The following CNTNAP2 variants were observed in gnomAD, a reference collection of about 807,000 sequenced individuals.
CNTNAP2 encodes the protein contactin-associated protein-like 2.
In CNTNAP2, 98 loss-of-function variants were observed where a neutral mutation model predicts 155.2. The observed-to-expected ratio is 0.63, with a 90% CI of 0.54 to 0.75. CNTNAP2 has a LOEUF of 0.75. Among genes scored for constraint, CNTNAP2 ranks in the 30% least tolerant of loss-of-function variants. The pLI, the probability that CNTNAP2 is intolerant of heterozygous loss-of-function variation, is 0.00. For missense variants in CNTNAP2, 1,727 were observed against 1,688.1 expected (o/e 1.02, Z -0.40); for synonymous variants, 651 against 631.2 (o/e 1.03, Z -0.47).
intron 1 of CNTNAP2, among the ~76,000 whole-genome samples, chr7:146,267,198 A>C (rs1460119502): frequency 1.3e-5 from 2 of 152,162 alleles, no homozygotes; most frequent in African/African-American, 2.4e-5. Flanking sequence ...TTATGTGCTC[A>C]TCAAATGGAC....
chr7:147,688,802 T>G (rs1176587147), intron 13 of CNTNAP2, among the ~76,000 whole-genome samples: 2 of 152,154 alleles, frequency 1.3e-5, no homozygotes, highest in African/African-American at 2.4e-5. Flanking sequence ...AACAGCTGAA[T>G]GTTATAACTG....
rs1805453872 is a variant in CNTNAP2 at position 148,158,701 on chromosome 7, C to G, written c.2773+10992C>G. Among the ~76,000 whole-genome samples, 3 of 152,174 alleles carry G rather than the reference C, an allele frequency of 2.0e-5. No homozygotes were observed. The South Asian group carries it at 6.2e-4, about 32-fold the overall frequency. ...GTTCACCTTCTCATGTGTCACAAGACCAAATGCTTCAGGAACTCTGGTCTT... is the reference window on the plus strand; with the variant it reads ...GTTCACCTTCTCATGTGTCACAAGAGCAAATGCTTCAGGAACTCTGGTCTT... On this transcript the variant is annotated intron_variant, in intron 17 of 23. Transcript: ENST00000361727.
intron 3 of CNTNAP2, among the ~76,000 whole-genome samples, chr7:146,922,903 C>G (rs756329740): frequency 2.6e-5 from 4 of 151,936 alleles, no homozygotes; most frequent in Non-Finnish European, 4.4e-5. Context: ...GAAAAAAAGA[C>G]GAGTATGTAA....
chr7:146,150,043 C>A (rs1221889211), intron 1 of CNTNAP2, among the ~76,000 whole-genome samples: 1 of 151,954 alleles, frequency 6.6e-6, no homozygotes, highest in Admixed American at 6.6e-5. Context: ...AGCAGTTGTA[C>A]CCAGCATATA....
intron 1 of CNTNAP2, among the ~76,000 whole-genome samples, chr7:146,768,143 G>A (rs1169025265): frequency 6.6e-6 from 1 of 151,810 alleles, no homozygotes; most frequent in Non-Finnish European, 1.5e-5. Context: ...ACAAAATTTG[G>A]CTTGCAGACA....
At chr7:146,239,675 TCTTATA>T (rs1189323174) in intron 1 of CNTNAP2, among the ~76,000 whole-genome samples, 128 of 152,318 alleles carry the variant, frequency 8.4e-4, no homozygotes, top group African/African-American at 2.9e-3. Context: ...AATAATAATG[TCTTATA>T]CTTATGTATA....
chr7:146,171,941 T>C (rs1798397397), intron 1 of CNTNAP2, among the ~76,000 whole-genome samples: 1 of 151,780 alleles, frequency 6.6e-6, no homozygotes, highest in South Asian at 2.1e-4. Flanking sequence ...ATTATATTAT[T>C]GAAATTTAAA....
chr7:147,562,043 G>C, intron 11 of CNTNAP2, 95 bp from the exon 12 acceptor site: 1 of 1,497,254 alleles, frequency 6.7e-7, no homozygotes, highest in Non-Finnish European at 9.3e-7. Flanking sequence ...CTCCTAACTA[G>C]TGGTTTGCTA....
chr7:146,616,571 C>G (rs1356438177), intron 1 of CNTNAP2, among the ~76,000 whole-genome samples: 1 of 152,028 alleles, frequency 6.6e-6, no homozygotes, highest in Non-Finnish European at 1.5e-5. Flanking sequence ...TACTCATTAT[C>G]CAATAAACCT....
chr7:146,307,130 G>A (rs955041415), intron 1 of CNTNAP2, among the ~76,000 whole-genome samples: 1 of 152,042 alleles, frequency 6.6e-6, no homozygotes, highest in Non-Finnish European at 1.5e-5. Flanking sequence ...AACTTCAGCA[G>A]TCTCAGGATA....
chr7:146,446,408 G>C (rs1796402959), intron 1 of CNTNAP2, among the ~76,000 whole-genome samples: 1 of 149,034 alleles, frequency 6.7e-6, no homozygotes, highest in South Asian at 2.1e-4. Flanking sequence ...CCAAGGCTGA[G>C]GGTGTTGCAG....
At chr7:146,372,394 T>C (rs1209930668) in intron 1 of CNTNAP2, among the ~76,000 whole-genome samples, 1 of 149,314 alleles carries the variant, frequency 6.7e-6, no homozygotes, top group Non-Finnish European at 1.5e-5. Context: ...CAAAAAGAGA[T>C]AGACAGATAA....
At chr7:146,584,683 G>T (rs1798660206) in intron 1 of CNTNAP2, among the ~76,000 whole-genome samples, 1 of 152,026 alleles carries the variant, frequency 6.6e-6, no homozygotes, top group African/African-American at 2.4e-5. Flanking sequence ...CCAGAAGCCG[G>T]CCCTGCCCCT....
intron 9 of CNTNAP2, among the ~76,000 whole-genome samples, chr7:147,395,040 T>A (rs1340650934): frequency 6.6e-6 from 1 of 151,812 alleles, no homozygotes; most frequent in Admixed American, 6.6e-5. Context: ...CTTCTAATGT[T>A]CCCTTAGATT....
intron 16 of CNTNAP2, among the ~76,000 whole-genome samples, chr7:148,146,630 A>G (rs1805184306): frequency 6.6e-6 from 1 of 152,216 alleles, no homozygotes; most frequent in Non-Finnish European, 1.5e-5. Flanking sequence ...ATGGGGAATA[A>G]CCAAGGTTTG....
At chr7:147,914,675 C>T in intron 14 of CNTNAP2, among the ~76,000 whole-genome samples, 1 of 152,158 alleles carries the variant, frequency 6.6e-6, no homozygotes, top group East Asian at 1.9e-4. Flanking sequence ...GATCCTCCCA[C>T]TTCAGCTGGG....
rs941351933 is a variant in CNTNAP2 at position 146,227,456 on chromosome 7, GA to G, written c.97+110490del. 5.6e-3 allele frequency among the ~76,000 whole-genome samples: 798 copies of G among 141,372 alleles called. 7 individuals are homozygous for G. Among genetic ancestry groups the G allele is most frequent in the African/African-American group, 0.014 (548 of 38,242 alleles). 92.7% of individuals were successfully genotyped at this position (141,372 alleles called of 152,430 possible). ...AAAAAAAAAAAAAAAAAAAGAAAAA[GA>G]AAAAAATCTTTAAGGAGATATGCAT... On this transcript the variant is annotated intron_variant, in intron 1 of 23. Coordinates refer to ENST00000361727, the MANE Select transcript of CNTNAP2 (RefSeq NM_014141.6).
At chr7:147,154,529 C>T (rs1450744869) in intron 8 of CNTNAP2, among the ~76,000 whole-genome samples, 1 of 152,156 alleles carries the variant, frequency 6.6e-6, no homozygotes, top group Non-Finnish European at 1.5e-5. Flanking sequence ...ATAATACTTG[C>T]TGACTTTTAA....
chr7:148,254,047 C>T lies in CNTNAP2; in HGVS notation c.3382-12986C>T, dbSNP rs188670989. Among the ~76,000 whole-genome samples the T allele has an allele frequency of 3.0e-3, 449 of 152,194 alleles. 3 individuals carry two copies. Among genetic ancestry groups the T allele is most frequent in the African/African-American group, 0.01 (421 of 41,544 alleles). ...ACTTGTAAGCAGTGCAGTTCAAGCC[C>T]ATGTTGTTTAAGGGTGAACTACATT... is the stretch of plus-strand genomic sequence containing the variant. On this transcript the variant is annotated intron_variant, in intron 20 of 23. Coordinates refer to ENST00000361727, the MANE Select transcript of CNTNAP2 (RefSeq NM_014141.6).
Sources: gnomAD v4.1 joint callset for allele counts (sites outside exome capture counted in the v4.1 genomes callset) on GRCh38, gnomAD v4.1.1 for gene constraint, MANE v1.5 for transcripts, NCBI Gene and HGNC (gene_info 2026-07-23, HGNC 2026-07-21) for gene names.